PIBF1: variants seen among roughly 807,000 people sequenced by gnomAD.
The protein encoded by PIBF1 is progesterone immunomodulatory binding factor 1.
In PIBF1, 90 loss-of-function variants were observed where a neutral mutation model predicts 112.5. The ratio of observed to expected loss-of-function variants is 0.80; its 90% CI spans 0.67 to 0.95. The LOEUF (loss-of-function observed/expected upper bound fraction) is 0.95. Ranked by LOEUF, PIBF1 falls within the 40% of genes least tolerant of loss-of-function variation. The pLI, the probability that PIBF1 is intolerant of heterozygous loss-of-function variation, is 0.00. For missense variants in PIBF1, 915 were observed against 852.3 expected, an observed-to-expected ratio of 1.07 and a Z score of -0.92; for synonymous variants, 301 against 288.6, an observed-to-expected ratio of 1.04 and a Z score of -0.44.
chr13:72,951,224 G>C (rs1445062454), intron 14 of PIBF1, among the ~76,000 whole-genome samples: 1 of 152,102 alleles, frequency 6.6e-6, no homozygotes, highest in Non-Finnish European at 1.5e-5. Flanking sequence ...GGATTCTTTT[G>C]TGTTCACATT....
chr13:72,816,597 G>A (rs1006040573), intron 5 of PIBF1, among the ~76,000 whole-genome samples: 1 of 151,088 alleles, frequency 6.6e-6, no homozygotes, highest in Non-Finnish European at 1.5e-5. Flanking sequence ...GGAGGTTGAG[G>A]CTGCAGTGAG....
At chr13:72,797,669 A>G (rs1265974529) in intron 4 of PIBF1, among the ~76,000 whole-genome samples, 1 of 152,180 alleles carries the variant, frequency 6.6e-6, no homozygotes, top group Non-Finnish European at 1.5e-5. Flanking sequence ...ATGGAGTGTC[A>G]GTAGAAGGGA....
At chr13:72,827,985 T>C in intron 8 of PIBF1, 71 bp downstream of exon 8, 1 of 1,077,816 alleles carries the variant, frequency 9.3e-7, no homozygotes, top group Admixed American at 3.0e-5. Context: ...ACTCTTGGCT[T>C]TGGGGAAGAT....
intron 13 of PIBF1, among the ~76,000 whole-genome samples, chr13:72,918,102 T>G (rs1255522888): frequency 2.0e-5 from 3 of 152,182 alleles, no homozygotes; most frequent in African/African-American, 7.2e-5. Flanking sequence ...AAATTTATCC[T>G]GCTTTGCAAA....
chr13:72,852,193 A>C (rs2875644), intron 9 of PIBF1, among the ~76,000 whole-genome samples: 13,868 of 152,146 alleles, frequency 0.091, 1,759 homozygotes, highest in African/African-American at 0.29. Flanking sequence ...GAATTGCTGC[A>C]GCCCTTTGGG....
chr13:72,937,387 A>G (rs1482983222), intron 14 of PIBF1, among the ~76,000 whole-genome samples: 1 of 152,176 alleles, frequency 6.6e-6, no homozygotes, highest in African/African-American at 2.4e-5. Context: ...TCCAAGTGAT[A>G]TTTAGTAAAA....
Position 72,827,104 on chromosome 13 carries a change from G to T in PIBF1, c.901G>T (p.Glu301Ter). Residue 301 changes from glutamate to a stop codon, truncating the protein, a stop_gained, in exon 7 of 18, where the codon GAA becomes TAA. Transcript: ENST00000326291. LOFTEE classifies it high-confidence loss of function. The part of the protein sequence containing the change: ...SHMIQTKERS[E>*]LSKEVVTLEQ... ...CATGATTCAAACAAAAGAACGAAGT[G>T]AATTATCAAAAGAGGTAAGCTTATA... 1 of 1,568,106 alleles carries T rather than the reference G, an allele frequency of 6.4e-7. No individual in the cohort carries two copies. Among genetic ancestry groups the T allele is most frequent in the Non-Finnish European group, 8.7e-7 (1 of 1,147,732 alleles).
At chr13:72,958,624 G>A (rs2042520456) in intron 14 of PIBF1, among the ~76,000 whole-genome samples, 1 of 152,128 alleles carries the variant, frequency 6.6e-6, no homozygotes, top group Admixed American at 6.5e-5. Flanking sequence ...CTGTCCTGTG[G>A]CCCCTCTCCT....
intron 10 of PIBF1, among the ~76,000 whole-genome samples, chr13:72,879,085 A>G (rs567265399): frequency 3.3e-5 from 5 of 152,296 alleles, no homozygotes; most frequent in African/African-American, 4.8e-5. Flanking sequence ...TTTACATACA[A>G]TGTGATTATT....
At chr13:72,791,037 T>TTTTGTTTG (rs141805152) in intron 2 of PIBF1, among the ~76,000 whole-genome samples, 15,306 of 149,736 alleles carry the variant, frequency 0.1, 1,000 homozygotes, top group Non-Finnish European at 0.15. Flanking sequence ...ATTCATGTAT[T>TTTTGTTTG]TTTGTTTGTT....
intron 10 of PIBF1, among the ~76,000 whole-genome samples, chr13:72,869,825 A>G (rs994660829): frequency 2.6e-5 from 4 of 152,070 alleles, no homozygotes; most frequent in African/African-American, 7.2e-5. Context: ...ACACACATAT[A>G]TATATATCTT....
intron 17 of PIBF1, among the ~76,000 whole-genome samples, chr13:73,014,471 A>G (rs1447537814): frequency 1.3e-5 from 2 of 152,208 alleles, no homozygotes; most frequent in Non-Finnish European, 2.9e-5. Context: ...ATATATTATT[A>G]TGATACTATA....
At chr13:72,888,318 A>ATAAAT (rs1264479684) in intron 10 of PIBF1, among the ~76,000 whole-genome samples, 3 of 152,166 alleles carry the variant, frequency 2.0e-5, no homozygotes, top group African/African-American at 7.2e-5. Flanking sequence ...ATGAAAGCAT[A>ATAAAT]ATTCATATGT....
At chr13:72,945,926 T>C (rs1262883962) in intron 14 of PIBF1, among the ~76,000 whole-genome samples, 1 of 152,156 alleles carries the variant, frequency 6.6e-6, no homozygotes, top group Non-Finnish European at 1.5e-5. Context: ...CATAGCACTT[T>C]ATGAAACCAC....
intron 13 of PIBF1, among the ~76,000 whole-genome samples, chr13:72,927,970 TATATATAC>T (rs1393867790): frequency 0.12 from 14,140 of 120,234 alleles, 1,180 homozygotes; most frequent in Non-Finnish European, 0.17. Flanking sequence ...CACATATATA[TATATATAC>T]ATATATATAT....
chr13:73,003,835 A>G (rs940140781), intron 17 of PIBF1, among the ~76,000 whole-genome samples: 4 of 151,948 alleles, frequency 2.6e-5, no homozygotes, highest in African/African-American at 9.7e-5. Flanking sequence ...TCAGCCTCCC[A>G]AATAGCTGAG....
chr13:72,972,888 A>C (rs2042933129), intron 15 of PIBF1, among the ~76,000 whole-genome samples: 1 of 152,196 alleles, frequency 6.6e-6, no homozygotes. Flanking sequence ...CTGATAATTT[A>C]GTTTGTAAAA....
chr13:72,933,210 C>T (rs1264196384), intron 14 of PIBF1, among the ~76,000 whole-genome samples: 3 of 152,180 alleles, frequency 2.0e-5, no homozygotes, highest in African/African-American at 7.2e-5. Flanking sequence ...AAATACATGC[C>T]TTCCTGAGCA....
At chr13:72,814,293 G>C (rs376068748) in intron 5 of PIBF1, among the ~76,000 whole-genome samples, 1 of 151,672 alleles carries the variant, frequency 6.6e-6, no homozygotes, top group Non-Finnish European at 1.5e-5. Flanking sequence ...AAAATTAGCC[G>C]GGCATAGTGG....
Sources: allele counts gnomAD v4.1 joint callset (sites outside exome capture counted in the v4.1 genomes callset), GRCh38; gene constraint gnomAD v4.1.1; transcripts MANE v1.5; gene names NCBI Gene and HGNC (gene_info 2026-07-23, HGNC 2026-07-21).